FBXW8: variants seen among roughly 807,000 people sequenced by gnomAD.
FBXW8 encodes F-box/WD repeat-containing protein 8.
A neutral mutation model predicts 65.3 loss-of-function variants in FBXW8; 57 were observed. The observed-to-expected ratio is 0.87, with a 90% CI of 0.71 to 1.09. The LOEUF is 1.09. Ranked by LOEUF, FBXW8 falls within the 50% of genes least tolerant of loss-of-function variation. The pLI is 0.00. For missense variants in FBXW8, 777 were observed against 814.8 expected, an observed-to-expected ratio of 0.95 and a Z score of 0.57; for synonymous variants, 308 against 330.2, an observed-to-expected ratio of 0.93 and a Z score of 0.73.
intron 8 of FBXW8, among the ~76,000 whole-genome samples, chr12:117,021,538 G>GTAA (rs1954097483): frequency 6.6e-6 from 1 of 152,178 alleles, no homozygotes; most frequent in Admixed American, 6.5e-5. Flanking sequence ...TGTAATTTGT[G>GTAA]TAATATATGT....
At chr12:117,011,818 G>A (rs1011759357) in intron 8 of FBXW8, among the ~76,000 whole-genome samples, 1 of 152,118 alleles carries the variant, frequency 6.6e-6, no homozygotes, top group Non-Finnish European at 1.5e-5. Context: ...AACCAGAAGG[G>A]TGTTGTGGAG....
chr12:116,934,723 C>G (rs137981385), intron 2 of FBXW8, among the ~76,000 whole-genome samples: 1 of 152,092 alleles, frequency 6.6e-6, no homozygotes, highest in Non-Finnish European at 1.5e-5. Context: ...GGTAATATCC[C>G]GCATAACTAC....
intron 1 of FBXW8, among the ~76,000 whole-genome samples, chr12:116,927,011 T>G (rs1881378885): frequency 1.3e-5 from 2 of 152,124 alleles, no homozygotes; most frequent in African/African-American, 4.8e-5. Context: ...GAATTAACAA[T>G]TCGCTTGTAA....
At chr12:116,971,056 C>T (rs1219914030) in intron 5 of FBXW8, among the ~76,000 whole-genome samples, 1 of 152,004 alleles carries the variant, frequency 6.6e-6, no homozygotes, top group African/African-American at 2.4e-5. Flanking sequence ...ACTAGGAATG[C>T]TCACATTTTA....
chr12:117,010,265 T>C, intron 7 of FBXW8, 58 bp from the exon 8 acceptor site: 1 of 1,610,820 alleles, frequency 6.2e-7, no homozygotes, highest in Non-Finnish European at 8.5e-7. Context: ...AATGAAAGTA[T>C]TTGATGTCGG....
chr12:117,007,177 A>T (rs1415516269), intron 7 of FBXW8, among the ~76,000 whole-genome samples: 1 of 152,204 alleles, frequency 6.6e-6, no homozygotes, highest in Non-Finnish European at 1.5e-5. Flanking sequence ...TTAGAAATAG[A>T]TTTCAGATAC....
At chr12:116,921,980 A>G (rs555254124) in intron 1 of FBXW8, among the ~76,000 whole-genome samples, 1 of 151,734 alleles carries the variant, frequency 6.6e-6, no homozygotes, top group South Asian at 2.1e-4. Context: ...GGTGCATGCC[A>G]CCACACCTGG....
intron 7 of FBXW8, among the ~76,000 whole-genome samples, chr12:116,993,411 A>AT (rs950683292): frequency 9.9e-5 from 15 of 151,672 alleles, no homozygotes; most frequent in Non-Finnish European, 2.2e-4. Context: ...CTGTTTTTTG[A>AT]TTTTTTAATA....
At chr12:116,952,557 C>T (rs183121839) in intron 4 of FBXW8, among the ~76,000 whole-genome samples, 4 of 152,294 alleles carry the variant, frequency 2.6e-5, no homozygotes, top group South Asian at 2.1e-4. Context: ...CCATTCTTCT[C>T]GGAACTCCTA....
At chr12:116,964,638 C>T (rs1050823405) in intron 4 of FBXW8, 59 bp from the exon 5 acceptor site, 2 of 1,598,512 alleles carry the variant, frequency 1.3e-6, no homozygotes, top group African/African-American at 1.3e-5. Flanking sequence ...GTGCATTTTC[C>T]CCACCATAGC....
At chr12:116,939,344 G>A (rs1204840303) in intron 2 of FBXW8, among the ~76,000 whole-genome samples, 1 of 152,158 alleles carries the variant, frequency 6.6e-6, no homozygotes, top group Non-Finnish European at 1.5e-5. Flanking sequence ...TTTGGATAAG[G>A]GATACTCAAC....
intron 8 of FBXW8, among the ~76,000 whole-genome samples, chr12:117,018,858 G>A (rs960065401): frequency 6.6e-6 from 1 of 152,206 alleles, no homozygotes; most frequent in African/African-American, 2.4e-5. Context: ...CTCCTTAACA[G>A]CCAAACTGTA....
intron 8 of FBXW8, among the ~76,000 whole-genome samples, chr12:117,019,643 T>A (rs895736607): frequency 6.6e-6 from 1 of 152,172 alleles, no homozygotes; most frequent in African/African-American, 2.4e-5. Flanking sequence ...ACCGAACATA[T>A]GTATGGGAGT....
At chr12:117,005,766 C>T (rs771283042) in intron 7 of FBXW8, among the ~76,000 whole-genome samples, 3 of 152,236 alleles carry the variant, frequency 2.0e-5, no homozygotes, top group Non-Finnish European at 4.4e-5. Flanking sequence ...GTTTAACTGC[C>T]TCACTGCCCA....
At chr12:116,967,374 G>A (rs927610656) in intron 5 of FBXW8, among the ~76,000 whole-genome samples, 19 of 152,204 alleles carry the variant, frequency 1.2e-4, no homozygotes, top group African/African-American at 4.6e-4. Flanking sequence ...ACAAATGCCA[G>A]GATGGACTTG....
intron 7 of FBXW8, among the ~76,000 whole-genome samples, chr12:116,993,541 G>A (rs1953304691): frequency 6.6e-6 from 1 of 152,026 alleles, no homozygotes; most frequent in Non-Finnish European, 1.5e-5. Context: ...ATATTCTTTT[G>A]AGAAATATCT....
intron 8 of FBXW8, 27 bp from the exon 9 acceptor site, chr12:117,024,120 T>G (rs1213057031): frequency 6.2e-7 from 1 of 1,604,484 alleles, no homozygotes; most frequent in Non-Finnish European, 8.5e-7. Flanking sequence ...CCCATTTCCC[T>G]TCTCTGCTCT....
chr12:116,937,679 G>A (rs1488817684), intron 2 of FBXW8, among the ~76,000 whole-genome samples: 1 of 152,136 alleles, frequency 6.6e-6, no homozygotes, highest in Non-Finnish European at 1.5e-5. Context: ...AGCAAGTGGA[G>A]AGAGAGGAAA....
intron 4 of FBXW8, among the ~76,000 whole-genome samples, chr12:116,959,435 A>T (rs1226031081): frequency 6.6e-6 from 1 of 152,176 alleles, no homozygotes; most frequent in Non-Finnish European, 1.5e-5. Context: ...TGTGCCACTA[A>T]AATGTTTCTT....
Sources: gnomAD v4.1 joint callset for allele counts (sites outside exome capture counted in the v4.1 genomes callset) on GRCh38, gnomAD v4.1.1 for gene constraint, MANE v1.5 for transcripts, NCBI Gene and HGNC (gene_info 2026-07-23, HGNC 2026-07-21) for gene names.